The following DPYD variants were observed in gnomAD, a reference collection of about 807,000 sequenced individuals.
DPYD encodes the protein dihydropyrimidine dehydrogenase [NADP(+)].
A neutral mutation model predicts 116.2 loss-of-function variants in DPYD; 109 were observed. The ratio of observed to expected loss-of-function variants is 0.94; its 90% CI spans 0.80 to 1.10. DPYD has a LOEUF of 1.10. DPYD is among the 50% of genes least tolerant of loss of function. The pLI is 0.00. For synonymous variants in DPYD, 440 were observed against 432.0 expected, an observed-to-expected ratio of 1.02 and a Z score of -0.23; for missense variants, 1,302 against 1,254.5, an observed-to-expected ratio of 1.04 and a Z score of -0.57.
rs1258973993 is a variant in DPYD, at chr1:97,079,064, G to C, written c.2990C>G (p.Pro997Arg). The change falls in exon 23 of 23, where the codon CCT (proline) becomes CGT (arginine). Residue 997 changes from proline (P) to arginine (R), a missense_variant. Coordinates refer to ENST00000370192, the MANE Select transcript of DPYD (RefSeq NM_000110.4). ...TGCTLCLSVCPIVDCIKMVSR... is the reference protein window; with the variant it reads ...TGCTLCLSVCRIVDCIKMVSR... ...AACCATTTTGATGCAGTCGACAATA[G>C]GGCAAACACTGAGACACAGAGTACA... 6.2e-7 allele frequency: 1 copy of C among 1,613,642 alleles called. No homozygotes were observed. The highest frequency in any genetic ancestry group is 8.5e-7 in the Non-Finnish European group (1 of 1,179,754).
intron 2 of DPYD, among the ~76,000 whole-genome samples, chr1:97,864,962 G>T (rs558057270): frequency 2.4e-4 from 37 of 151,952 alleles, no homozygotes; most frequent in Non-Finnish European, 5.0e-4. Flanking sequence ...ATCTGTGAAT[G>T]CTTCTAGTTG....
intron 13 of DPYD, 23 bp from the exon 14 acceptor site, chr1:97,450,246 G>A (rs1033045315): frequency 1.6e-5 from 26 of 1,612,588 alleles, no homozygotes; most frequent in Non-Finnish European, 2.2e-5. Flanking sequence ...TAAAGATATT[G>A]AGTCTCCTTT....
Position 97,359,858 on chromosome 1 carries a change from C to A in DPYD, c.2058+13703G>T, listed in dbSNP as rs563713328. On this transcript the variant is annotated intron_variant, in intron 16 of 22. Coordinates refer to ENST00000370192, the MANE Select transcript of DPYD (RefSeq NM_000110.4). Reference sequence around the variant, plus strand: ...AGTACCAGCCACTGCAAAAATATGCCAAATTGTAAAGACCATCAATGCTAG... The same window carrying A: ...AGTACCAGCCACTGCAAAAATATGCAAAATTGTAAAGACCATCAATGCTAG... Among the ~76,000 whole-genome samples the A allele has an allele frequency of 2.4e-4, 36 of 152,242 alleles. 2 individuals are homozygous for A. The highest frequency in any genetic ancestry group is 3.4e-3 in the Middle Eastern group (1 of 294).
intron 19 of DPYD, among the ~76,000 whole-genome samples, chr1:97,232,216 A>G (rs1570723556): frequency 6.6e-6 from 1 of 152,170 alleles, no homozygotes; most frequent in African/African-American, 2.4e-5. Context: ...CATTTGAAAA[A>G]TGTCCCACTT....
chr1:97,865,091 C>A (rs1671308906), intron 2 of DPYD, among the ~76,000 whole-genome samples: 1 of 151,842 alleles, frequency 6.6e-6, no homozygotes, highest in Admixed American at 6.6e-5. Flanking sequence ...TATGTGTCTG[C>A]TTCTTCCATA....
At position 97,381,127 on chromosome 1, in the gene DPYD, C is replaced by T. The variant is rs562027904; in HGVS notation, c.1974+1266G>A. ...GAACAAAAGGCATACCTTTTCCTCCCTTCTTTCTTTTTTTTCTTTCTTCCT... is the reference window on the plus strand; with the variant it reads ...GAACAAAAGGCATACCTTTTCCTCCTTTCTTTCTTTTTTTTCTTTCTTCCT... On this transcript the variant is annotated intron_variant, in intron 15 of 22. Transcript: ENST00000370192. 1.6e-4 allele frequency among the ~76,000 whole-genome samples: 25 copies of T among 152,068 alleles called. 1 individual carries two copies. The highest frequency in any genetic ancestry group is 5.8e-4 in the African/African-American group (24 of 41,424).
chr1:97,235,065 T>C, intron 18 of DPYD, 71 bp from the exon 19 acceptor site: 1 of 1,579,164 alleles, frequency 6.3e-7, no homozygotes, highest in South Asian at 1.1e-5. Flanking sequence ...ATTACTTCTA[T>C]TACTATGATG....
At chr1:97,227,476 T>C (rs139704895) in intron 19 of DPYD, among the ~76,000 whole-genome samples, 72 of 152,084 alleles carry the variant, frequency 4.7e-4, no homozygotes, top group Middle Eastern at 3.4e-3. Context: ...CTGATGTGAT[T>C]ACTATGCATT....
intron 12 of DPYD, among the ~76,000 whole-genome samples, chr1:97,530,678 T>C (rs1649551135): frequency 1.3e-5 from 2 of 152,148 alleles, no homozygotes; most frequent in Admixed American, 1.3e-4. Context: ...ATAGTTCTAT[T>C]TTAAATTTTT....
intron 19 of DPYD, among the ~76,000 whole-genome samples, chr1:97,222,645 A>G (rs1439733031): frequency 6.6e-6 from 1 of 152,138 alleles, no homozygotes; most frequent in Non-Finnish European, 1.5e-5. Flanking sequence ...CAGCAATTAG[A>G]ACATCATTGA....
intron 8 of DPYD, among the ~76,000 whole-genome samples, chr1:97,659,242 C>T (rs185974170): frequency 1.8e-4 from 27 of 152,142 alleles, no homozygotes; most frequent in Middle Eastern, 6.8e-3. Flanking sequence ...TCATTGAATG[C>T]GTAATAACAG....
intron 4 of DPYD, among the ~76,000 whole-genome samples, chr1:97,737,509 G>A (rs1664026455): frequency 6.6e-6 from 1 of 152,058 alleles, no homozygotes; most frequent in African/African-American, 2.4e-5. Context: ...TAGGCACTGG[G>A]GAGTAACTAC....
chr1:97,603,245 A>G (rs2811198), intron 8 of DPYD, among the ~76,000 whole-genome samples: 20,861 of 151,988 alleles, frequency 0.14, 1,653 homozygotes, highest in African/African-American at 0.2. Flanking sequence ...AGTACACTAT[A>G]TCCCAAAGTA....
At chr1:97,098,275 T>C (rs1268080566) in intron 21 of DPYD, among the ~76,000 whole-genome samples, 2 of 152,120 alleles carry the variant, frequency 1.3e-5, no homozygotes, top group Admixed American at 1.3e-4. Context: ...ACATGCATGC[T>C]TGCCAGTGTT....
At chr1:97,624,500 A>G (rs1656810182) in intron 8 of DPYD, among the ~76,000 whole-genome samples, 1 of 152,022 alleles carries the variant, frequency 6.6e-6, no homozygotes, top group Non-Finnish European at 1.5e-5. Flanking sequence ...GAGAAAAGAA[A>G]ACACTCTTGT....
rs563245194 is a variant in DPYD at position 97,405,025 on chromosome 1, C to T, written c.1906-22564G>A. Among the ~76,000 whole-genome samples, 81 of 151,042 alleles carry T rather than the reference C, an allele frequency of 5.4e-4. 2 individuals are homozygous for T. The South Asian group carries it at 0.016, about 30-fold the overall frequency. ...ACATCTATAGCTAATCCAAGTCCAT[C>T]AGATAACCCCGTACCACTTCACAGA... On this transcript the variant is annotated intron_variant, in intron 14 of 22. Transcript: ENST00000370192.
At chr1:97,729,542 A>G (rs1245205504) in intron 4 of DPYD, among the ~76,000 whole-genome samples, 1 of 152,132 alleles carries the variant, frequency 6.6e-6, no homozygotes, top group East Asian at 1.9e-4. Context: ...TACTAAATAA[A>G]TATTAAATAA....
At chr1:97,256,322 T>G (rs1663461130) in intron 18 of DPYD, among the ~76,000 whole-genome samples, 1 of 152,100 alleles carries the variant, frequency 6.6e-6, no homozygotes, top group Non-Finnish European at 1.5e-5. Flanking sequence ...TTCTTTTATA[T>G]TTCCCTCTTG....
At chr1:97,881,401 G>C (rs1487050042) in intron 2 of DPYD, among the ~76,000 whole-genome samples, 2 of 151,926 alleles carry the variant, frequency 1.3e-5, no homozygotes, top group Non-Finnish European at 2.9e-5. Flanking sequence ...TGTTGTTTAA[G>C]CCACCTAGTC....
Sources: allele counts gnomAD v4.1 joint callset (sites outside exome capture counted in the v4.1 genomes callset), GRCh38; gene constraint gnomAD v4.1.1; transcripts MANE v1.5; gene names NCBI Gene and HGNC (gene_info 2026-07-23, HGNC 2026-07-21).